The following NKAIN2 variants were observed in gnomAD, a reference collection of about 807,000 sequenced individuals.
NKAIN2 encodes sodium/potassium-transporting ATPase subunit beta-1-interacting protein 2.
NKAIN2 carries 14 observed loss-of-function variants against 32.6 expected under a neutral mutation model. The ratio of observed to expected loss-of-function variants is 0.43; its 90% CI spans 0.28 to 0.67. NKAIN2 has a LOEUF of 0.67. NKAIN2 is among the 30% of genes least tolerant of loss of function. The probability of loss-of-function intolerance (pLI) is 0.17; values close to 1 mark genes in which losing one functional copy is unlikely to be tolerated. For synonymous variants in NKAIN2, 80 were observed against 87.2 expected (o/e 0.92, Z 0.46); for missense variants, 198 against 258.3 (o/e 0.77, Z 1.60).
intron 1 of NKAIN2, among the ~76,000 whole-genome samples, chr6:124,128,995 G>A (rs1405077417): frequency 6.6e-6 from 1 of 152,168 alleles, no homozygotes; most frequent in East Asian, 1.9e-4. Flanking sequence ...TGAGGCCTGA[G>A]AATTTGAATA....
chr6:124,225,972 G>C (rs1195882166), intron 1 of NKAIN2, among the ~76,000 whole-genome samples: 1 of 151,982 alleles, frequency 6.6e-6, no homozygotes, highest in African/African-American at 2.4e-5. Flanking sequence ...CAGATAGGGA[G>C]ACATCAGTTA....
At chr6:124,552,786 G>A (rs1331312181) in intron 3 of NKAIN2, among the ~76,000 whole-genome samples, 1 of 152,202 alleles carries the variant, frequency 6.6e-6, no homozygotes, top group East Asian at 1.9e-4. Flanking sequence ...AGTCTACAGA[G>A]CAGAGCCTGA....
rs1201198625 is a variant in NKAIN2 at position 124,687,432 on chromosome 6, CCATAT to C, written c.474+29047_474+29051del. On this transcript the variant is annotated intron_variant, in intron 4 of 6. Transcript: ENST00000368417. ...ATGGAATATATATATTCCATGTATA[CCATAT>C]ACATACATGGTATATATTCCATATA... 5.6e-3 allele frequency among the ~76,000 whole-genome samples: 5 copies of C among 890 alleles called. No individual in the cohort carries two copies. In the South Asian group the frequency reaches 0.075, roughly 13 times the overall value. The allele number at this position is 890 out of a possible 152,430, so 0.6% of individuals were successfully genotyped here.
intron 1 of NKAIN2, among the ~76,000 whole-genome samples, chr6:123,954,296 T>C (rs1232601174): frequency 6.6e-6 from 1 of 152,198 alleles, no homozygotes; most frequent in Non-Finnish European, 1.5e-5. Flanking sequence ...AGCAGTGCCT[T>C]CCTATGGTCT....
Position 123,944,032 on chromosome 6 carries a change from T to C in NKAIN2, c.54+139778T>C, listed in dbSNP as rs542965679. 3.3e-5 allele frequency among the ~76,000 whole-genome samples: 5 copies of C among 152,172 alleles called. 1 individual carries two copies. The South Asian group carries it at 1.0e-3, about 32-fold the overall frequency. On this transcript the variant is annotated intron_variant, in intron 1 of 6. Coordinates refer to ENST00000368417, the MANE Select transcript of NKAIN2 (RefSeq NM_001040214.3). ...ATTAATTGATTCCAAAGGGAGTCTT[T>C]GATGTTCTCTCTATAGTCCTAGGGA...
intron 3 of NKAIN2, among the ~76,000 whole-genome samples, chr6:124,383,513 A>G (rs539860822): frequency 6.6e-6 from 1 of 152,170 alleles, no homozygotes; most frequent in African/African-American, 2.4e-5. Flanking sequence ...AGCTCCTTGA[A>G]CCTATACCCC....
chr6:124,104,177 CAT>C (rs1410241551), intron 1 of NKAIN2, among the ~76,000 whole-genome samples: 1 of 152,196 alleles, frequency 6.6e-6, no homozygotes, highest in Admixed American at 6.5e-5. Context: ...TTTCTCCAGA[CAT>C]AGCAATATGA....
At chr6:124,146,268 C>CA (rs977569226) in intron 1 of NKAIN2, among the ~76,000 whole-genome samples, 28 of 148,152 alleles carry the variant, frequency 1.9e-4, no homozygotes, top group East Asian at 5.9e-4. Context: ...CAATCGTGGG[C>CA]AAAAAAAATG....
chr6:124,769,740 C>G (rs1411903681), intron 4 of NKAIN2, among the ~76,000 whole-genome samples: 2 of 152,158 alleles, frequency 1.3e-5, no homozygotes, highest in African/African-American at 4.8e-5. Context: ...TTGCTAGATT[C>G]ATTTACAAGT....
intron 3 of NKAIN2, among the ~76,000 whole-genome samples, chr6:124,645,702 A>C (rs1215358288): frequency 6.6e-6 from 1 of 152,172 alleles, no homozygotes; most frequent in Non-Finnish European, 1.5e-5. Flanking sequence ...ATATGAAAAG[A>C]CAACCAGGGA....
At chr6:124,521,887 G>A (rs573822434) in intron 3 of NKAIN2, among the ~76,000 whole-genome samples, 25 of 151,672 alleles carry the variant, frequency 1.6e-4, no homozygotes, top group African/African-American at 4.8e-4. Context: ...TTTATGTCTC[G>A]GTGCATGGAT....
At chr6:124,624,779 T>C (rs1334380313) in intron 3 of NKAIN2, among the ~76,000 whole-genome samples, 2 of 152,220 alleles carry the variant, frequency 1.3e-5, no homozygotes, top group Non-Finnish European at 2.9e-5. Context: ...TGTGTTTGTC[T>C]TGAATTAGAG....
At chr6:124,538,504 T>G (rs1438607637) in intron 3 of NKAIN2, among the ~76,000 whole-genome samples, 1 of 152,166 alleles carries the variant, frequency 6.6e-6, no homozygotes, top group Non-Finnish European at 1.5e-5. Flanking sequence ...TTTATTTATT[T>G]AATCCTAAAA....
At chr6:124,654,096 A>G (rs762302630) in intron 3 of NKAIN2, among the ~76,000 whole-genome samples, 5 of 152,180 alleles carry the variant, frequency 3.3e-5, no homozygotes, top group Non-Finnish European at 7.4e-5. Context: ...TACTAGAAAT[A>G]GGAGATAATA....
intron 1 of NKAIN2, among the ~76,000 whole-genome samples, chr6:124,179,767 C>T (rs1179848182): frequency 6.6e-6 from 1 of 152,136 alleles, no homozygotes; most frequent in Non-Finnish European, 1.5e-5. Flanking sequence ...TCCTGTGAAG[C>T]AATGTGCAAA....
rs554023871 is a variant in NKAIN2 at position 124,644,646 on chromosome 6, C to T, written c.274-13540C>T. 9.9e-5 allele frequency among the ~76,000 whole-genome samples: 15 copies of T among 152,196 alleles called. No individual in the cohort carries two copies. The South Asian group carries it at 2.5e-3, about 25-fold the overall frequency. ...GTCTTGATCTCCTGACCTTGTGATC[C>T]GCCTGCCTCGGCCCCCCCAAAGTGC... On this transcript the variant is annotated intron_variant, in intron 3 of 6. Transcript: ENST00000368417.
Position 124,223,169 on chromosome 6 carries a change from C to T in NKAIN2, c.55-59836C>T, listed in dbSNP as rs138122126. On this transcript the variant is annotated intron_variant, in intron 1 of 6. Transcript: ENST00000368417. ...TGGAGGTTGCAATGAGTGGAGATTG[C>T]GCCACTGTACTCCAGCCTGGGCGAC... Among the ~76,000 whole-genome samples, 73 of 132,414 alleles carry T rather than the reference C, an allele frequency of 5.5e-4. No homozygotes were observed. In the East Asian group the frequency reaches 6.0e-3, roughly 11 times the overall value. The allele number at this position is 132,414 out of a possible 152,430, so 86.9% of individuals were successfully genotyped here.
chr6:124,588,452 T>TAC (rs1169289274), intron 3 of NKAIN2, among the ~76,000 whole-genome samples: 1 of 152,172 alleles, frequency 6.6e-6, no homozygotes, highest in Non-Finnish European at 1.5e-5. Flanking sequence ...GTAATGATCA[T>TAC]ACACTTATTC....
chr6:124,643,755 G>C (rs1206661534), intron 3 of NKAIN2, among the ~76,000 whole-genome samples: 1 of 152,120 alleles, frequency 6.6e-6, no homozygotes, highest in Non-Finnish European at 1.5e-5. Flanking sequence ...GAAATGAGAA[G>C]TTATCCATTT....
Sources: gnomAD v4.1 joint callset for allele counts (sites outside exome capture counted in the v4.1 genomes callset) on GRCh38, gnomAD v4.1.1 for gene constraint, MANE v1.5 for transcripts, NCBI Gene and HGNC (gene_info 2026-07-23, HGNC 2026-07-21) for gene names.